ATF2: variants seen among roughly 807,000 people sequenced by gnomAD.
The protein encoded by ATF2 is activating transcription factor 2.
In ATF2, 24 loss-of-function variants were observed where a neutral mutation model predicts 60.6. The ratio of observed to expected loss-of-function variants is 0.40; its 90% CI spans 0.29 to 0.56. ATF2 has a LOEUF of 0.56. Ranked by LOEUF, ATF2 falls within the 20% of genes least tolerant of loss-of-function variation. The pLI is 0.54. For synonymous variants in ATF2, 206 were observed against 215.4 expected (o/e 0.96, Z 0.38); for missense variants, 433 against 607.7 (o/e 0.71, Z 3.02).
At chr2:175,113,070 G>T (rs1696313352) in intron 9 of ATF2, among the ~76,000 whole-genome samples, 1 of 152,046 alleles carries the variant, frequency 6.6e-6, no homozygotes, top group Non-Finnish European at 1.5e-5. Flanking sequence ...TGATTTAGAT[G>T]AAAAAGAAAA....
chr2:175,095,258 C>A (rs1694855299), intron 11 of ATF2, among the ~76,000 whole-genome samples: 2 of 152,032 alleles, frequency 1.3e-5, no homozygotes, highest in Admixed American at 6.6e-5. Context: ...CCACCACACC[C>A]AGCTTAATTT....
chr2:175,167,768 T>C (rs1459827445), intron 1 of ATF2: 11 of 468,034 alleles, frequency 2.4e-5, no homozygotes, highest in Non-Finnish European at 1.8e-5. Flanking sequence ...CTTTTTCCTC[T>C]GCCTTAGGAA....
chr2:175,109,275 A>C (rs1696004942), intron 10 of ATF2, among the ~76,000 whole-genome samples: 1 of 152,180 alleles, frequency 6.6e-6, no homozygotes, highest in Non-Finnish European at 1.5e-5. Flanking sequence ...TGGACAAAGA[A>C]ATTGTGGTAT....
intron 10 of ATF2, among the ~76,000 whole-genome samples, chr2:175,108,723 G>A (rs929790749): frequency 9.9e-5 from 15 of 152,216 alleles, no homozygotes; most frequent in Non-Finnish European, 8.8e-5. Flanking sequence ...TGGCGGTTTT[G>A]CGGAATAGAA....
At chr2:175,136,201 T>A (rs1367163050) in intron 3 of ATF2, among the ~76,000 whole-genome samples, 1 of 152,144 alleles carries the variant, frequency 6.6e-6, no homozygotes, top group Non-Finnish European at 1.5e-5. Context: ...AAAACATGTT[T>A]ATGTCTGTCA....
At chr2:175,076,442 T>G (rs973931076) in intron 13 of ATF2, among the ~76,000 whole-genome samples, 1 of 152,132 alleles carries the variant, frequency 6.6e-6, no homozygotes, top group African/African-American at 2.4e-5. Flanking sequence ...ATGGTACATA[T>G]GCAGGTATGT....
intron 1 of ATF2, chr2:175,167,685 C>A: frequency 2.0e-6 from 1 of 504,552 alleles, no homozygotes; most frequent in Non-Finnish European, 4.1e-6. Context: ...ACGCGCGCCC[C>A]GAGGACCTCT....
intron 12 of ATF2, among the ~76,000 whole-genome samples, chr2:175,090,059 T>G (rs1694441004): frequency 6.6e-6 from 1 of 152,148 alleles, no homozygotes; most frequent in Non-Finnish European, 1.5e-5. Flanking sequence ...ATAAAGGTAA[T>G]CAGTTTAAAC....
intron 12 of ATF2, among the ~76,000 whole-genome samples, chr2:175,089,614 A>C (rs747340564): frequency 2.0e-5 from 3 of 152,204 alleles, no homozygotes; most frequent in Non-Finnish European, 4.4e-5. Flanking sequence ...TGCTGTTGGC[A>C]GACTGAAAGA....
chr2:175,131,365 A>G (rs1036528491), intron 3 of ATF2, among the ~76,000 whole-genome samples: 7 of 152,182 alleles, frequency 4.6e-5, no homozygotes, highest in African/African-American at 1.7e-4. Context: ...CTCTTCTTAC[A>G]TCCATCAGAG....
At chr2:175,117,184 AGAG>A (rs1476569945) in intron 7 of ATF2, among the ~76,000 whole-genome samples, 1 of 151,884 alleles carries the variant, frequency 6.6e-6, no homozygotes, top group African/African-American at 2.4e-5. Flanking sequence ...CTGTATTCTT[AGAG>A]AAGAAGAATG....
At chr2:175,152,860 T>C (rs1395229568) in intron 1 of ATF2, among the ~76,000 whole-genome samples, 1 of 152,160 alleles carries the variant, frequency 6.6e-6, no homozygotes, top group East Asian at 1.9e-4. Flanking sequence ...AAAGGACAAA[T>C]GGCTCTGTGG....
At chr2:175,110,768 G>C (rs1696124841) in intron 10 of ATF2, among the ~76,000 whole-genome samples, 1 of 152,052 alleles carries the variant, frequency 6.6e-6, no homozygotes, top group South Asian at 2.1e-4. Context: ...ACCACGCTCG[G>C]CTAATTTTTG....
chr2:175,164,393 G>A (rs1036179518), intron 1 of ATF2, among the ~76,000 whole-genome samples: 1 of 152,034 alleles, frequency 6.6e-6, no homozygotes, highest in African/African-American at 2.4e-5. Context: ...AATCAGCAGG[G>A]AATGGTGGTG....
At chr2:175,139,389 T>C (rs1013124503) in intron 2 of ATF2, among the ~76,000 whole-genome samples, 1 of 152,102 alleles carries the variant, frequency 6.6e-6, no homozygotes, top group African/African-American at 2.4e-5. Context: ...AAGAAATAGA[T>C]AGCCAGGCGC....
chr2:175,073,203 G>T lies in ATF2; in HGVS notation c.*1406C>A, dbSNP rs1321870948. ...AACAATTTATTCTATTTTAAAATAT[G>T]TACTGTATTTTGAACATAACTGCAG... On this transcript the variant is annotated 3_prime_UTR_variant, in exon 14 of 14. Coordinates refer to ENST00000264110, the MANE Select transcript of ATF2 (RefSeq NM_001880.4). The T allele has an allele frequency of 6.6e-6, 1 of 152,044 alleles. No homozygotes were observed. The highest frequency in any genetic ancestry group is 2.4e-5 in the African/African-American group (1 of 41,396). The allele number at this position is 152,044 out of a possible 1,614,324, so 9.4% of individuals were successfully genotyped here. A position where few individuals can be genotyped will look rare whatever the true frequency, so the allele number is the denominator to read the frequency against.
intron 12 of ATF2, among the ~76,000 whole-genome samples, chr2:175,089,856 T>C (rs1250592899): frequency 6.6e-6 from 1 of 152,182 alleles, no homozygotes; most frequent in Non-Finnish European, 1.5e-5. Context: ...CCTTGGTACA[T>C]GTCATTTCTA....
chr2:175,128,497 T>C (rs1697506530), intron 4 of ATF2, among the ~76,000 whole-genome samples: 1 of 143,766 alleles, frequency 7.0e-6, no homozygotes. Context: ...CGAAATTCCG[T>C]CTCAAAAAAA....
rs138423213 is a variant in ATF2, at chr2:175,072,527, T to C, written c.*2082A>G. The C allele has an allele frequency of 1.6e-3, 239 of 152,260 alleles. 2 individuals are homozygous for C. The highest frequency in any genetic ancestry group is 5.5e-3 in the African/African-American group (229 of 41,580). The allele number at this position is 152,260 out of a possible 1,614,324, so 9.4% of individuals were successfully genotyped here. A position where few individuals can be genotyped will look rare whatever the true frequency, so the allele number is the denominator to read the frequency against. ...TACATGACTTCTTACATCTATGTAG[T>C]TTTATTTTACAGTTGCAAGAATTCT... is the stretch of plus-strand genomic sequence containing the variant. On this transcript the variant is annotated 3_prime_UTR_variant, in exon 14 of 14. Coordinates refer to ENST00000264110, the MANE Select transcript of ATF2 (RefSeq NM_001880.4).
Sources: gnomAD v4.1 joint callset for allele counts (sites outside exome capture counted in the v4.1 genomes callset) on GRCh38, gnomAD v4.1.1 for gene constraint, MANE v1.5 for transcripts, NCBI Gene and HGNC (gene_info 2026-07-23, HGNC 2026-07-21) for gene names.